The following LHFPL3 variants were observed in gnomAD, a reference collection of about 807,000 sequenced individuals.
The protein encoded by LHFPL3 is LHFPL tetraspan subfamily member 3, also known as LHFPL tetraspan subfamily member 3 protein.
A neutral mutation model predicts 19.3 loss-of-function variants in LHFPL3; 5 were observed. The observed-to-expected ratio is 0.26, with a 90% CI of 0.14 to 0.54. The LOEUF (loss-of-function observed/expected upper bound fraction) is 0.54. LHFPL3 is among the 20% of genes least tolerant of loss of function. The probability of loss-of-function intolerance (pLI) is 0.94; values close to 1 mark genes in which losing one functional copy is unlikely to be tolerated. For missense variants in LHFPL3, 249 were observed against 307.4 expected, an observed-to-expected ratio of 0.81 and a Z score of 1.42; for synonymous variants, 133 against 126.2, an observed-to-expected ratio of 1.05 and a Z score of -0.36.
chr7:104,374,390 C>T (rs1373788184), intron 1 of LHFPL3, among the ~76,000 whole-genome samples: 1 of 152,032 alleles, frequency 6.6e-6, no homozygotes, highest in Non-Finnish European at 1.5e-5. Flanking sequence ...TACAGGCATG[C>T]ACCACCACGC....
At chr7:104,395,277 A>G (rs1285770236) in intron 1 of LHFPL3, among the ~76,000 whole-genome samples, 2 of 152,226 alleles carry the variant, frequency 1.3e-5, no homozygotes, top group Admixed American at 6.5e-5. Context: ...TACTGTGTCC[A>G]CAGTCAGTTA....
chr7:104,876,825 A>G (rs1369196395), intron 2 of LHFPL3, among the ~76,000 whole-genome samples: 1 of 152,248 alleles, frequency 6.6e-6, no homozygotes, highest in Non-Finnish European at 1.5e-5. Flanking sequence ...ACACATGCAC[A>G]TGTATGTTTA....
At chr7:104,589,024 G>C (rs1048968059) in intron 1 of LHFPL3, among the ~76,000 whole-genome samples, 5 of 152,122 alleles carry the variant, frequency 3.3e-5, no homozygotes, top group Non-Finnish European at 7.3e-5. Flanking sequence ...GAGATGATGG[G>C]GTTTTCTAAG....
At chr7:104,453,676 T>C (rs188773823) in intron 1 of LHFPL3, among the ~76,000 whole-genome samples, 40 of 151,774 alleles carry the variant, frequency 2.6e-4, no homozygotes, top group Non-Finnish European at 4.6e-4. Context: ...GCGTTGGAGG[T>C]GGGGCCCGGT....
At chr7:104,576,269 A>G (rs1294254934) in intron 1 of LHFPL3, among the ~76,000 whole-genome samples, 2 of 152,184 alleles carry the variant, frequency 1.3e-5, no homozygotes, top group Non-Finnish European at 2.9e-5. Flanking sequence ...AGGAAGGAAA[A>G]CATCATCACC....
At chr7:104,772,161 C>T (rs1368746136) in intron 2 of LHFPL3, among the ~76,000 whole-genome samples, 1 of 152,116 alleles carries the variant, frequency 6.6e-6, no homozygotes, top group Middle Eastern at 3.2e-3. Context: ...ATCATACCTT[C>T]ATTTGAGCCT....
At chr7:104,489,385 A>G (rs1034495024) in intron 1 of LHFPL3, among the ~76,000 whole-genome samples, 1 of 151,876 alleles carries the variant, frequency 6.6e-6, no homozygotes, top group Non-Finnish European at 1.5e-5. Context: ...GGGACTCTGC[A>G]TTTTCATTTT....
At chr7:104,413,000 G>C (rs528045990) in intron 1 of LHFPL3, among the ~76,000 whole-genome samples, 62 of 152,298 alleles carry the variant, frequency 4.1e-4, no homozygotes, top group African/African-American at 1.4e-3. Flanking sequence ...TCCACACACA[G>C]AATAAGGGAC....
At chr7:104,344,549 G>C (rs113189421) in intron 1 of LHFPL3, among the ~76,000 whole-genome samples, 3,397 of 152,242 alleles carry the variant, frequency 0.022, 141 homozygotes, top group African/African-American at 0.078. Context: ...TTCACTTAGA[G>C]TAATGGCCTC....
chr7:104,584,689 T>A (rs533765242), intron 1 of LHFPL3, among the ~76,000 whole-genome samples: 1 of 152,122 alleles, frequency 6.6e-6, no homozygotes, highest in East Asian at 1.9e-4. Flanking sequence ...TCTTGAATAG[T>A]TAGAACGAAT....
intron 1 of LHFPL3, among the ~76,000 whole-genome samples, chr7:104,661,788 AT>A (rs1230036260): frequency 1.3e-5 from 2 of 152,126 alleles, no homozygotes; most frequent in Non-Finnish European, 2.9e-5. Flanking sequence ...AGCATGAAAT[AT>A]TTTTTTCCTT....
At chr7:104,392,440 T>C (rs1349228567) in intron 1 of LHFPL3, among the ~76,000 whole-genome samples, 2 of 151,932 alleles carry the variant, frequency 1.3e-5, no homozygotes, top group Non-Finnish European at 2.9e-5. Flanking sequence ...TCTATTGAGA[T>C]AATCATGTGG....
chr7:104,618,024 G>A (rs1162697493), intron 1 of LHFPL3, among the ~76,000 whole-genome samples: 2 of 152,120 alleles, frequency 1.3e-5, no homozygotes, highest in African/African-American at 4.8e-5. Flanking sequence ...TATCATCACT[G>A]CCCAATGTCT....
intron 2 of LHFPL3, among the ~76,000 whole-genome samples, chr7:104,874,330 TAG>T: frequency 6.6e-6 from 1 of 151,822 alleles, no homozygotes; most frequent in Admixed American, 6.6e-5. Context: ...TAAAAAGAGA[TAG>T]GAGAGATTTT....
intron 1 of LHFPL3, chr7:104,623,127 T>G (rs1791479669): frequency 4.8e-6 from 1 of 209,090 alleles, no homozygotes; most frequent in African/African-American, 2.3e-5. Context: ...ATTGTGTTAT[T>G]TGATTTTTAT....
At chr7:104,579,536 C>G (rs1389658266) in intron 1 of LHFPL3, among the ~76,000 whole-genome samples, 1 of 152,120 alleles carries the variant, frequency 6.6e-6, no homozygotes, top group Non-Finnish European at 1.5e-5. Flanking sequence ...AGTATATGTA[C>G]CACATTTTTA....
intron 1 of LHFPL3, among the ~76,000 whole-genome samples, chr7:104,589,300 T>C (rs1412342363): frequency 2.0e-5 from 3 of 152,218 alleles, no homozygotes; most frequent in East Asian, 3.8e-4. Context: ...ATACCTAGTT[T>C]ATTGAGAGTT....
At chr7:104,362,414 AGATG>A (rs1790403065) in intron 1 of LHFPL3, among the ~76,000 whole-genome samples, 1 of 152,336 alleles carries the variant, frequency 6.6e-6, no homozygotes, top group South Asian at 2.1e-4. Context: ...CATTTGCCTA[AGATG>A]TTTTGTTTAA....
intron 2 of LHFPL3, among the ~76,000 whole-genome samples, chr7:104,764,922 T>C (rs999564251): frequency 6.6e-6 from 1 of 152,248 alleles, no homozygotes; most frequent in Non-Finnish European, 1.5e-5. Context: ...TTCAAGGTCT[T>C]ACATTTCATT....
Sources: gnomAD v4.1 joint callset for allele counts (sites outside exome capture counted in the v4.1 genomes callset) on GRCh38, gnomAD v4.1.1 for gene constraint, MANE v1.5 for transcripts, NCBI Gene and HGNC (gene_info 2026-07-23, HGNC 2026-07-21) for gene names.